The following ELMOD1 variants were observed in gnomAD, a reference collection of about 807,000 sequenced individuals.
ELMOD1 encodes the protein ELMO domain containing 1.
A neutral mutation model predicts 46.7 loss-of-function variants in ELMOD1; 21 were observed. That is an observed-to-expected ratio of 0.45 (90% confidence interval 0.32 to 0.65). The LOEUF (loss-of-function observed/expected upper bound fraction) is 0.65, where lower values mean the gene tolerates loss of function less well. Ranked by LOEUF, ELMOD1 falls within the 30% of genes least tolerant of loss-of-function variation. The probability of loss-of-function intolerance (pLI) is 0.04; values close to 1 mark genes in which losing one functional copy is unlikely to be tolerated. For synonymous variants in ELMOD1, 122 were observed against 138.2 expected, an observed-to-expected ratio of 0.88 and a Z score of 0.82; for missense variants, 348 against 407.8, an observed-to-expected ratio of 0.85 and a Z score of 1.26.
intron 6 of ELMOD1, chr11:107,643,726 G>C (rs995910672): frequency 4.0e-6 from 2 of 499,324 alleles, no homozygotes; most frequent in Non-Finnish European, 8.2e-6. Flanking sequence ...CAAGATTTTT[G>C]TCAGTATTGG....
At chr11:107,642,086 G>A (rs1242295328) in intron 6 of ELMOD1, among the ~76,000 whole-genome samples, 1 of 151,556 alleles carries the variant, frequency 6.6e-6, no homozygotes, top group Non-Finnish European at 1.5e-5. Flanking sequence ...TGGGATTACA[G>A]GCACCTGCCA....
chr11:107,650,207 T>C, intron 7 of ELMOD1, 128 bp from the exon 8 acceptor site: 1 of 604,678 alleles, frequency 1.7e-6, no homozygotes, highest in Middle Eastern at 2.6e-4. Flanking sequence ...CTGGAGGAGC[T>C]GAAACAAGTG....
intron 2 of ELMOD1, among the ~76,000 whole-genome samples, chr11:107,619,664 C>A (rs143724689): frequency 1.7e-3 from 256 of 152,228 alleles, no homozygotes; most frequent in African/African-American, 5.9e-3. Flanking sequence ...AAATAGTAGC[C>A]TTTGGTTCTG....
At chr11:107,617,942 C>G (rs983192431) in intron 1 of ELMOD1, among the ~76,000 whole-genome samples, 163 bp from the exon 2 acceptor site, 19 of 152,088 alleles carry the variant, frequency 1.2e-4, no homozygotes, top group Non-Finnish European at 2.8e-4. Flanking sequence ...AAGTCTATAC[C>G]TGTAACCTCT....
Position 107,630,467 on chromosome 11 carries a change from G to C in ELMOD1, c.68G>C (p.Cys23Ser). 6.2e-7 allele frequency: 1 copy of C among 1,606,218 alleles called. No individual in the cohort carries two copies. The highest frequency in any genetic ancestry group is 8.5e-7 in the Non-Finnish European group (1 of 1,176,046). ...TTTTACTGTAAATTTCTGTGGCGCT[G>C]CCTGAAATTTGTAATGAGGAAGCTA... ...LYFYCKFLWRCLKFVMRKLTG... is the reference protein window; with the variant it reads ...LYFYCKFLWRSLKFVMRKLTG... The change falls in exon 3 of 12, where the codon TGC becomes TCC. Residue 23 changes from cysteine (C) to serine (S), a missense_variant. Transcript: ENST00000265840.
chr11:107,631,751 C>T, intron 5 of ELMOD1, 74 bp downstream of exon 5: 1 of 752,432 alleles, frequency 1.3e-6, no homozygotes, highest in Non-Finnish European at 2.0e-6. Flanking sequence ...TTCTCTGTCT[C>T]CTCTCTTTTT....
chr11:107,662,601 A>G (rs1160834574), intron 11 of ELMOD1, among the ~76,000 whole-genome samples: 1 of 142,224 alleles, frequency 7.0e-6, no homozygotes, highest in East Asian at 2.1e-4. Flanking sequence ...CAAGAGCGAA[A>G]CTCTGTCTCA....
At chr11:107,656,107 G>T (rs370781800) in intron 11 of ELMOD1, 41 bp downstream of exon 11, 6 of 1,545,458 alleles carry the variant, frequency 3.9e-6, no homozygotes, top group South Asian at 1.2e-5. Flanking sequence ...AGGTTTCTAC[G>T]CTGGGCACGG....
chr11:107,654,980 T>A (rs1002186408), intron 10 of ELMOD1, among the ~76,000 whole-genome samples: 6 of 152,182 alleles, frequency 3.9e-5, no homozygotes, highest in African/African-American at 9.6e-5. Context: ...TTGGTAAACA[T>A]GTAAATAAGG....
chr11:107,628,991 A>G (rs1768934018), intron 2 of ELMOD1, among the ~76,000 whole-genome samples: 1 of 152,184 alleles, frequency 6.6e-6, no homozygotes, highest in Non-Finnish European at 1.5e-5. Context: ...TAAACATATC[A>G]TGGATATTTT....
chr11:107,633,022 G>A (rs1262045841), intron 5 of ELMOD1, among the ~76,000 whole-genome samples: 1 of 152,144 alleles, frequency 6.6e-6, no homozygotes, highest in East Asian at 1.9e-4. Context: ...TAAAAATGTT[G>A]TATAAAATTA....
At chr11:107,629,228 T>C (rs371347821) in intron 2 of ELMOD1, among the ~76,000 whole-genome samples, 1 of 152,316 alleles carries the variant, frequency 6.6e-6, no homozygotes, top group South Asian at 2.1e-4. Context: ...AGGAACACGG[T>C]CAAGGTTTTG....
In ELMOD1 at chr11:107,631,675, A is replaced by G. The variant is rs771960074; in HGVS notation, c.288A>G (p.Pro96=). ...ELKKINPDVN[P]QLGISLQACL... is the part of the protein sequence containing the mutation. Reference sequence around the variant, plus strand: ...AAAAAATTAATCCTGACGTAAATCCACAGTAAGAATATGTTTCTTATGTCA... The same window carrying G: ...AAAAAATTAATCCTGACGTAAATCCGCAGTAAGAATATGTTTCTTATGTCA... The change falls in exon 5 of 12, where the codon CCA becomes CCG. Residue 96 remains proline, a splice_region_variant and synonymous_variant. Transcript: ENST00000265840. 1.1e-4 allele frequency: 158 copies of G among 1,492,270 alleles called. 1 individual carries two copies. In the Middle Eastern group the frequency reaches 1.5e-3, roughly 14 times the overall value. The allele number at this position is 1,492,270 out of a possible 1,614,324, so 92.4% of individuals were successfully genotyped here.
chr11:107,593,193 TTGATTAA>T (rs1865434048), intron 1 of ELMOD1: 1 of 152,658 alleles, frequency 6.6e-6, no homozygotes, highest in African/African-American at 2.4e-5. Context: ...ATTGCTGTGC[TTGATTAA>T]TGAAGAAAAT....
chr11:107,652,474 T>G lies in ELMOD1; in HGVS notation c.647+1566T>G, dbSNP rs538459867. On this transcript the variant is annotated intron_variant, in intron 9 of 11. Transcript: ENST00000265840. ...TTTGGGCCAGGATATCCTATAAGTA[T>G]CAAATAAGTAGAGATCATTTGGCCT... 1.9e-3 allele frequency among the ~76,000 whole-genome samples: 282 copies of G among 152,334 alleles called. 3 individuals carry two copies. The highest frequency in any genetic ancestry group is 3.4e-3 in the Non-Finnish European group (231 of 68,022).
intron 1 of ELMOD1, among the ~76,000 whole-genome samples, chr11:107,616,823 A>C (rs1019636006): frequency 6.6e-6 from 1 of 152,186 alleles, no homozygotes; most frequent in Non-Finnish European, 1.5e-5. Context: ...AATATGCTTC[A>C]GGTTCACCTT....
intron 6 of ELMOD1, among the ~76,000 whole-genome samples, chr11:107,645,060 C>G (rs1274778101): frequency 6.8e-6 from 1 of 146,610 alleles, no homozygotes; most frequent in South Asian, 2.2e-4. Context: ...ATAGCTGGGA[C>G]TACAGGCGCC....
intron 1 of ELMOD1, among the ~76,000 whole-genome samples, chr11:107,611,698 C>G (rs1370217238): frequency 8.8e-6 from 1 of 113,280 alleles, no homozygotes; most frequent in African/African-American, 3.5e-5. Context: ...GAGCCAGACT[C>G]CATCTCAAAA....
At chr11:107,639,840 T>C (rs1319563967) in intron 6 of ELMOD1, among the ~76,000 whole-genome samples, 1 of 152,130 alleles carries the variant, frequency 6.6e-6, no homozygotes, top group African/African-American at 2.4e-5. Context: ...GATGAGTGGA[T>C]TCCTTAGAGT....
Sources: allele counts gnomAD v4.1 joint callset (sites outside exome capture counted in the v4.1 genomes callset), GRCh38; gene constraint gnomAD v4.1.1; transcripts MANE v1.5; gene names NCBI Gene and HGNC (gene_info 2026-07-23, HGNC 2026-07-21).